POLE2: variants seen among roughly 807,000 people sequenced by gnomAD.
The protein encoded by POLE2 is DNA polymerase epsilon 2, accessory subunit, also known as DNA polymerase epsilon subunit 2.
In POLE2, 56 loss-of-function variants were observed where a neutral mutation model predicts 79.4. The observed-to-expected ratio is 0.71, with a 90% confidence interval of 0.57 to 0.88. The LOEUF is 0.88. POLE2 is among the 40% of genes least tolerant of loss of function. POLE2 has a pLI of 0.00. For missense variants in POLE2, 598 were observed against 638.9 expected (o/e 0.94, Z 0.69); for synonymous variants, 212 against 214.0 (o/e 0.99, Z 0.08).
Position 49,688,188 on chromosome 14 carries a change from G to A in POLE2, c.16C>T (p.Leu6=), listed in dbSNP as rs375613405. The A allele has an allele frequency of 2.0e-4, 314 of 1,535,660 alleles. No individual in the cohort carries two copies. The highest frequency in any genetic ancestry group is 3.7e-4 in the Middle Eastern group (2 of 5,386). The change falls in exon 1 of 19, where the codon CTG becomes TTG. Residue 6 remains leucine (L), a synonymous_variant. Transcript: ENST00000216367. Reference sequence around the variant, plus strand: ...AAGGCGGAGAGCGCCCGGCTCCGCAGCCGCTCCGGCGCCATATTTGCGATT... The same window carrying A: ...AAGGCGGAGAGCGCCCGGCTCCGCAACCGCTCCGGCGCCATATTTGCGATT... The part of the protein sequence containing the change: MAPER[L]RSRALSAFKL...
intron 15 of POLE2, 68 bp downstream of exon 15, chr14:49,653,922 T>C (rs1031781004): frequency 2.1e-5 from 19 of 906,298 alleles, no homozygotes; most frequent in Non-Finnish European, 3.3e-5. Context: ...ATTACAGACA[T>C]GAGCCACCAC....
At chr14:49,677,770 G>GCCACACTCC in intron 3 of POLE2, 3 of 1,049,454 alleles carry the variant, frequency 2.9e-6, no homozygotes, top group Non-Finnish European at 4.0e-6. Context: ...CTTCAGGAGT[G>GCCACACTCC]TGGCAGCTCC....
Position 49,647,359 on chromosome 14 carries a change from C to T in POLE2, c.1499G>A (p.Gly500Asp), listed in dbSNP as rs763742302. The T allele has an allele frequency of 1.9e-6, 3 of 1,552,162 alleles. No individual in the cohort carries two copies. In the African/African-American group the frequency reaches 4.1e-5, roughly 21 times the overall value. ...TNTECLCINP[G>D]SFPRSGFSFK... ...TGAAAATCCACTTCTTGGAAAAGAG[C>T]CCTTTGGGGGAGAAAAATGCCTGTA... is the stretch of plus-strand genomic sequence containing the variant. The change falls in exon 18 of 19, where the codon GGC becomes GAC. Residue 500 changes from glycine (G) to aspartate (D), a missense_variant and splice_region_variant. Physicochemically the swap from Gly to Asp is moderately conservative, Grantham distance 94. Transcript: ENST00000216367.
chr14:49,682,109 A>G lies in POLE2; in HGVS notation c.169+1484T>C, dbSNP rs1464357682. On this transcript the variant is annotated intron_variant, in intron 2 of 18. Coordinates refer to ENST00000216367, the MANE Select transcript of POLE2 (RefSeq NM_002692.4). ...AACCTCTGCCTCCCGGGTTCAAGCG[A>G]TTCTCCTGCCTCAGCCTCCCAAGGA... is the stretch of plus-strand genomic sequence containing the variant. 1.1e-4 allele frequency among the ~76,000 whole-genome samples: 16 copies of G among 148,792 alleles called. No individual in the cohort carries two copies. The Admixed American group carries it at 1.1e-3, about 10-fold the overall frequency.
At chr14:49,663,855 C>T (rs1291119376) in intron 9 of POLE2, among the ~76,000 whole-genome samples, 1 of 151,186 alleles carries the variant, frequency 6.6e-6, no homozygotes, top group African/African-American at 2.4e-5. Context: ...AGTGAAACCC[C>T]GTCTCTACTA....
chr14:49,666,522 C>A, intron 6 of POLE2, 109 bp from the exon 7 acceptor site: 1 of 443,890 alleles, frequency 2.3e-6, no homozygotes, highest in South Asian at 4.9e-5. Flanking sequence ...TTTATAGCTA[C>A]TTTACAGTAG....
intron 1 of POLE2, among the ~76,000 whole-genome samples, chr14:49,686,719 A>G (rs1296359270): frequency 6.6e-6 from 1 of 152,234 alleles, no homozygotes; most frequent in Non-Finnish European, 1.5e-5. Flanking sequence ...AGATTTAAGT[A>G]TACTTATGAC....
intron 10 of POLE2, among the ~76,000 whole-genome samples, chr14:49,659,935 T>C (rs1027913149): frequency 6.6e-6 from 1 of 152,164 alleles, no homozygotes; most frequent in African/African-American, 2.4e-5. Flanking sequence ...TAAACAAATT[T>C]AGTGTAGCCT....
chr14:49,685,451 T>C (rs1052870743), intron 1 of POLE2, among the ~76,000 whole-genome samples: 1 of 152,126 alleles, frequency 6.6e-6, no homozygotes, highest in Non-Finnish European at 1.5e-5. Flanking sequence ...GGACAGTTCT[T>C]AGCATAGACC....
At chr14:49,682,161 T>C (rs45557938) in intron 2 of POLE2, among the ~76,000 whole-genome samples, 6,846 of 151,106 alleles carry the variant, frequency 0.045, 547 homozygotes, top group African/African-American at 0.16. Context: ...CCTGCCACCA[T>C]GCCTGGCTAA....
At chr14:49,685,960 A>G (rs1887105641) in intron 1 of POLE2, among the ~76,000 whole-genome samples, 1 of 151,922 alleles carries the variant, frequency 6.6e-6, no homozygotes, top group Non-Finnish European at 1.5e-5. Context: ...AGCCCAAACC[A>G]CTTCTGCAGT....
chr14:49,645,090 A>AT (rs1883670940), intron 18 of POLE2, among the ~76,000 whole-genome samples: 1 of 150,298 alleles, frequency 6.7e-6, no homozygotes, highest in African/African-American at 2.4e-5. Flanking sequence ...GTACCTATAC[A>AT]TGATGTACCT....
chr14:49,682,330 T>C (rs576356967), intron 2 of POLE2, among the ~76,000 whole-genome samples: 1 of 151,152 alleles, frequency 6.6e-6, no homozygotes, highest in Admixed American at 6.6e-5. Flanking sequence ...ACAAGCGTTA[T>C]ATAATTTTGT....
chr14:49,654,012 C>A lies in POLE2; in HGVS notation c.1189G>T (p.Val397Phe), dbSNP rs1436292272. Residue 397 changes from valine (V) to phenylalanine (F), a missense_variant, in exon 15 of 19, where the codon GTT becomes TTT. Val to Phe is a conservative substitution (Grantham distance 50, BLOSUM62 -1). Coordinates refer to ENST00000216367, the MANE Select transcript of POLE2 (RefSeq NM_002692.4). ...NEFRQRVPFSVFTTNPCRIQY... is the reference protein window; with the variant it reads ...NEFRQRVPFSFFTTNPCRIQY... The stretch of plus-strand genomic sequence containing the variant: ...TACCTGCAAGGATTAGTAGTAAAAA[C>A]TGAAAATGGTACCCTTTGTCTGAAT... 1 of 1,592,424 alleles carries A rather than the reference C, an allele frequency of 6.3e-7. No homozygotes were observed. The highest frequency in any genetic ancestry group is 8.6e-7 in the Non-Finnish European group (1 of 1,161,458).
chr14:49,650,009 T>C (rs941278902), intron 17 of POLE2: 6 of 212,860 alleles, frequency 2.8e-5, no homozygotes, highest in African/African-American at 1.4e-4. Context: ...ATTACTCTTT[T>C]GGATTTATGT....
Position 49,654,797 on chromosome 14 carries a change from C to A in POLE2, c.1060G>T (p.Asp354Tyr). The stretch of plus-strand genomic sequence containing the variant: ...AGAGATCATTACCTTTGGTGAATAT[C>A]TGGGTATTCACATATTATATCTGCC... ...TLADIICEYPDIHQSSRFVFV... is the reference protein window; with the variant it reads ...TLADIICEYPYIHQSSRFVFV... The change falls in exon 13 of 19, where the codon GAT becomes TAT. Residue 354 changes from aspartate (D) to tyrosine (Y), a missense_variant. Transcript: ENST00000216367. The A allele has an allele frequency of 6.7e-7, 1 of 1,482,964 alleles. No individual in the cohort carries two copies. Among genetic ancestry groups the A allele is most frequent in the South Asian group, 1.4e-5 (1 of 69,076 alleles). The allele number at this position is 1,482,964 out of a possible 1,614,324, so 91.9% of individuals were successfully genotyped here. A position where few individuals can be genotyped will look rare whatever the true frequency, so the allele number is the denominator to read the frequency against.
intron 2 of POLE2, among the ~76,000 whole-genome samples, chr14:49,681,035 T>C (rs891431627): frequency 6.6e-6 from 1 of 152,148 alleles, no homozygotes; most frequent in African/African-American, 2.4e-5. Flanking sequence ...TATCACGGAG[T>C]ATGTTTCTTC....
At chr14:49,648,575 G>C (rs1883954953) in intron 17 of POLE2, among the ~76,000 whole-genome samples, 1 of 152,146 alleles carries the variant, frequency 6.6e-6, no homozygotes, top group African/African-American at 2.4e-5. Flanking sequence ...TAAAGCAGAG[G>C]CTCTTAACCA....
intron 2 of POLE2, among the ~76,000 whole-genome samples, chr14:49,682,895 C>G (rs1394907502): frequency 4.0e-5 from 6 of 150,392 alleles, no homozygotes; most frequent in Non-Finnish European, 7.4e-5. Flanking sequence ...TTCTTTTTTT[C>G]CTCCCAAACA....
Sources: allele counts gnomAD v4.1 joint callset (sites outside exome capture counted in the v4.1 genomes callset), GRCh38; gene constraint gnomAD v4.1.1; transcripts MANE v1.5; gene names NCBI Gene and HGNC (gene_info 2026-07-23, HGNC 2026-07-21).